Variants in PDXDC1 observed in about 807,000 individuals in gnomAD.
PDXDC1 encodes the protein pyridoxal dependent decarboxylase domain containing 1.
Under a neutral mutation model 100.1 loss-of-function variants are expected in PDXDC1, and 42 were observed. The observed-to-expected ratio is 0.42, with a 90% confidence interval of 0.33 to 0.54. PDXDC1 has a LOEUF of 0.54. Ranked by LOEUF, PDXDC1 falls within the 20% of genes least tolerant of loss-of-function variation. The pLI is 0.10. For missense variants in PDXDC1, 636 were observed against 979.2 expected, an observed-to-expected ratio of 0.65 and a Z score of 4.68; for synonymous variants, 260 against 371.7, an observed-to-expected ratio of 0.70 and a Z score of 3.46.
chr16:15,110,190 C>G lies in PDXDC1; in HGVS notation c.1400-28689C>G, dbSNP rs1478799061. 2.7e-5 allele frequency among the ~76,000 whole-genome samples: 4 copies of G among 149,270 alleles called. 1 individual carries two copies. The highest frequency in any genetic ancestry group is 6.0e-5 in the Non-Finnish European group (4 of 66,964). ...AGAGAGAGACAAAGGAAAACCAATG[C>G]CAGTACTAGCAACTCCTCTTCCCCT... is the stretch of plus-strand genomic sequence containing the variant. On this transcript the variant is annotated intron_variant, in intron 16 of 16. Coordinates refer to the PDXDC1 transcript ENST00000535621.
chr16:15,132,320 C>CGGAAG (rs2048122528), intron 16 of PDXDC1, among the ~76,000 whole-genome samples: 5 of 8,464 alleles, frequency 5.9e-4, no homozygotes. Flanking sequence ...GAAGGGCTAG[C>CGGAAG]GGAGGGGAGG....
intron 1 of PDXDC1, among the ~76,000 whole-genome samples, chr16:14,990,564 T>C (rs1970540609): frequency 6.6e-6 from 1 of 152,286 alleles, no homozygotes; most frequent in Non-Finnish European, 1.5e-5. Flanking sequence ...AATATTATCC[T>C]GAAACTGGAT....
the PDXDC1 span, among the ~76,000 whole-genome samples, chr16:15,149,482 C>T: frequency 6.6e-6 from 1 of 152,246 alleles, no homozygotes; most frequent in African/African-American, 2.4e-5. Flanking sequence ...CCCAAGGAAG[C>T]TGTGTCTGTG....
downstream of PDXDC1, among the ~76,000 whole-genome samples, chr16:15,041,444 G>A (rs569535708): frequency 3.9e-5 from 6 of 152,178 alleles, no homozygotes; most frequent in South Asian, 8.3e-4. Context: ...ACTGAGGCTC[G>A]GCAGATGGTG....
At chr16:15,127,615 G>A (rs1362968306) in intron 16 of PDXDC1, 4 of 1,328,336 alleles carry the variant, frequency 3.0e-6, no homozygotes, top group Non-Finnish European at 4.2e-6. Context: ...AGGAGAGGAG[G>A]CCACACAGGT....
downstream of PDXDC1, among the ~76,000 whole-genome samples, chr16:15,039,775 A>C (rs569246778): frequency 6.6e-6 from 1 of 152,302 alleles, no homozygotes; most frequent in South Asian, 2.1e-4. Flanking sequence ...ACTGGAGCTG[A>C]TGACCTAAAG....
At chr16:15,032,532 T>C (rs2043127514) in intron 17 of PDXDC1, 1 of 217,144 alleles carries the variant, frequency 4.6e-6, no homozygotes. Flanking sequence ...TGCACACCTG[T>C]AGTCCCAGCT....
Position 15,036,144 on chromosome 16 carries a change from G to A in PDXDC1, c.2236G>A (p.Ala746Thr). 1 of 1,614,120 alleles carries A rather than the reference G, an allele frequency of 6.2e-7. No homozygotes were observed. The highest frequency in any genetic ancestry group is 8.5e-7 in the Non-Finnish European group (1 of 1,180,028). The change falls in exon 23 of 23, where the codon GCC (alanine) becomes ACC (threonine). Residue 746 changes from alanine (A) to threonine (T), a missense_variant. Coordinates refer to ENST00000396410, the MANE Select transcript of PDXDC1 (RefSeq NM_015027.4). Reference protein sequence around the residue: ...SSGPEQITLEASSTEGHPGAP... With the variant: ...SSGPEQITLETSSTEGHPGAP... The stretch of plus-strand genomic sequence containing the variant: ...TGGGCCGGAGCAGATCACCCTCGAG[G>A]CCAGCAGCACTGAGGGACACCCAGG...
intron 8 of PDXDC1, chr16:15,015,715 C>T (rs75873991): frequency 4.9e-6 from 1 of 205,926 alleles, no homozygotes; most frequent in South Asian, 6.4e-5. Flanking sequence ...GACTCCGTCT[C>T]AAAAAAAAAA....
downstream of PDXDC1, chr16:15,039,991 G>T: frequency 3.1e-6 from 5 of 1,605,668 alleles, no homozygotes; most frequent in Non-Finnish European, 4.3e-6. Flanking sequence ...TAAAGTTCGC[G>T]CAGCACGAAG....
downstream of PDXDC1, among the ~76,000 whole-genome samples, chr16:15,140,522 C>G (rs1334822847): frequency 6.8e-6 from 1 of 147,900 alleles, no homozygotes; most frequent in East Asian, 2.0e-4. Flanking sequence ...ACTCCAAAAA[C>G]AAAAAAAGAA....
intron 21 of PDXDC1, among the ~76,000 whole-genome samples, chr16:15,034,807 G>A (rs758592948): frequency 2.0e-5 from 3 of 152,202 alleles, no homozygotes; most frequent in Non-Finnish European, 4.4e-5. Flanking sequence ...ATGAGGACAC[G>A]CCCACTCAGC....
At chr16:15,013,348 CAAAAAAAAAAGA>C (rs1398072735) in intron 8 of PDXDC1, among the ~76,000 whole-genome samples, 2 of 111,828 alleles carry the variant, frequency 1.8e-5, no homozygotes, top group African/African-American at 3.5e-5. Context: ...GACCCTATCT[CAAAAAAAAAAGA>C]AAAAAAAAAA....
rs1400904067 is a variant in PDXDC1, at chr16:15,134,142, C to A, written c.1400-4737C>A. The stretch of plus-strand genomic sequence containing the variant: ...TGTCAGCCCCACTTCTGCCTGCAGG[C>A]CCCGTCCCCTCGGCCATGGGACCCA... On this transcript the variant is annotated intron_variant, in intron 16 of 16. Coordinates refer to the PDXDC1 transcript ENST00000535621. The A allele has an allele frequency of 5.6e-6, 7 of 1,254,944 alleles. No homozygotes were observed. In the African/African-American group the frequency reaches 8.6e-5, roughly 15 times the overall value. 77.7% of individuals were successfully genotyped at this position (1,254,944 alleles called of 1,614,324 possible).
At position 15,037,197 on chromosome 16, in the gene PDXDC1, ACT is replaced by A. The variant is rs1368132009; in HGVS notation, c.*928_*929del. ...ACTCAGAAACAGGAGCCAGCAGAGCACTCTCTCACGCTGATCCAGCCGGGCAC... is the reference window on the plus strand; with the variant it reads ...ACTCAGAAACAGGAGCCAGCAGAGCACTCTCACGCTGATCCAGCCGGGCAC... On this transcript the variant is annotated 3_prime_UTR_variant, in exon 23 of 23. Transcript: ENST00000396410. The A allele has an allele frequency of 3.3e-5, 5 of 152,262 alleles. No homozygotes were observed. The highest frequency in any genetic ancestry group is 2.1e-4 in the South Asian group (1 of 4,820). 9.4% of individuals were successfully genotyped at this position (152,262 alleles called of 1,614,324 possible). A position where few individuals can be genotyped will look rare whatever the true frequency, so the allele number is the denominator to read the frequency against.
At chr16:15,141,814 G>T (rs1382743096), downstream of PDXDC1, among the ~76,000 whole-genome samples, 1 of 152,204 alleles carries the variant, frequency 6.6e-6, no homozygotes, top group Non-Finnish European at 1.5e-5. Flanking sequence ...GACAGGGTGA[G>T]GCAGCTGGAC....
At chr16:15,111,186 T>G (rs9745697) in intron 16 of PDXDC1, among the ~76,000 whole-genome samples, 4 of 147,838 alleles carry the variant, frequency 2.7e-5, no homozygotes, top group Admixed American at 6.8e-5. Flanking sequence ...GGCTGGCATG[T>G]TGGCTCACTC....
chr16:15,100,168 T>C (rs1470444860), intron 16 of PDXDC1, among the ~76,000 whole-genome samples: 1 of 152,152 alleles, frequency 6.6e-6, no homozygotes, highest in African/African-American at 2.4e-5. Context: ...GCTCAACTAA[T>C]GGTTTGCAAA....
intron 16 of PDXDC1, chr16:15,092,529 C>T (rs759271290): frequency 6.2e-7 from 1 of 1,612,740 alleles, no homozygotes; most frequent in East Asian, 2.2e-5. Context: ...TTCAGCAAGA[C>T]TTCTGTCACA....
Sources: allele counts gnomAD v4.1 joint callset (sites outside exome capture counted in the v4.1 genomes callset), GRCh38; gene constraint gnomAD v4.1.1; transcripts MANE v1.5; gene names NCBI Gene and HGNC (gene_info 2026-07-23, HGNC 2026-07-21).